The following WDR83 variants were observed in gnomAD, a reference collection of about 807,000 sequenced individuals.
WDR83 encodes WD repeat domain-containing protein 83.
WDR83 carries 37 observed loss-of-function variants against 37.7 expected under a neutral mutation model. That is an observed-to-expected ratio of 0.98 (90% CI 0.76 to 1.29). WDR83 has a LOEUF of 1.29. Ranked by LOEUF, WDR83 falls within the 50% of genes most tolerant of loss-of-function variation. The probability of loss-of-function intolerance (pLI) is 0.00; values close to 1 mark genes in which losing one functional copy is unlikely to be tolerated. For synonymous variants in WDR83, 174 were observed against 181.1 expected (o/e 0.96, Z 0.31); for missense variants, 445 against 414.4 (o/e 1.07, Z -0.64).
At chr19:12,668,673 G>T in intron 2 of WDR83, 46 bp downstream of exon 2, 1 of 1,443,900 alleles carries the variant, frequency 6.9e-7, no homozygotes, top group Non-Finnish European at 9.7e-7. Context: ...ATGAGTCCCC[G>T]AAGCCACCTT....
At chr19:12,667,466 A>C (rs987594306) in intron 1 of WDR83, among the ~76,000 whole-genome samples, 1 of 152,212 alleles carries the variant, frequency 6.6e-6, no homozygotes, top group Non-Finnish European at 1.5e-5. Context: ...TGAAAACACA[A>C]AATTTGTAAT....
At chr19:12,669,402 A>G (rs1354996742) in intron 2 of WDR83, 1 of 1,596,456 alleles carries the variant, frequency 6.3e-7, no homozygotes, top group Middle Eastern at 1.7e-4. Flanking sequence ...GTTAGTGGAC[A>G]TAGCGAGTCG....
intron 1 of WDR83, among the ~76,000 whole-genome samples, chr19:12,667,458 A>T (rs1200637683): frequency 1.3e-5 from 2 of 152,130 alleles, no homozygotes; most frequent in African/African-American, 2.4e-5. Context: ...GACGGGTTTG[A>T]AAACACAAAA....
rs1454178824 is a variant in WDR83 at position 12,670,277 on chromosome 19, C to G, written c.322C>G (p.His108Asp). ...SGQVVRKFRG[H>D]AGKVNTVQFN... ...GCAGGTCGTGCGCAAATTCCGGGGCCACGCAGGGGTGAGTGAAAGCCTGGA... is the reference window on the plus strand; with the variant it reads ...GCAGGTCGTGCGCAAATTCCGGGGCGACGCAGGGGTGAGTGAAAGCCTGGA... The change falls in exon 5 of 11, where the codon CAC (histidine) becomes GAC (aspartate). Residue 108 changes from histidine to aspartate, a missense_variant. Transcript: ENST00000418543. 7 of 1,613,736 alleles carry G rather than the reference C, an allele frequency of 4.3e-6. No individual in the cohort carries two copies. Among genetic ancestry groups the G allele is most frequent in the Non-Finnish European group, 5.9e-6 (7 of 1,179,894 alleles).
At position 12,669,766 on chromosome 19, in the gene WDR83, G is replaced by C. The variant is rs1463290070; in HGVS notation, c.-25G>C. On this transcript the variant is annotated 5_prime_UTR_variant, in exon 3 of 11. Coordinates refer to ENST00000418543, the MANE Select transcript of WDR83 (RefSeq NM_001099737.3). ...AATTTTCCGTACAGACCGATTTAAGGCTGCAAGGAAGGAGTCCTGGGAGCA... is the reference window on the plus strand; with the variant it reads ...AATTTTCCGTACAGACCGATTTAAGCCTGCAAGGAAGGAGTCCTGGGAGCA... The C allele has an allele frequency of 5.1e-6, 8 of 1,564,232 alleles. No individual in the cohort carries two copies. In the South Asian group the frequency reaches 7.1e-5, roughly 14 times the overall value.
intron 5 of WDR83, 62 bp downstream of exon 5, chr19:12,670,347 T>C (rs1207319725): frequency 9.6e-6 from 15 of 1,566,376 alleles, no homozygotes; most frequent in Non-Finnish European, 1.3e-5. Flanking sequence ...GCATAGGTGG[T>C]GACACGGCCA....
chr19:12,670,065 C>G lies in WDR83; in HGVS notation c.192C>G (p.Ser64Arg), dbSNP rs756432352. 1 of 1,612,400 alleles carries G rather than the reference C, an allele frequency of 6.2e-7. No homozygotes were observed. Among genetic ancestry groups the G allele is most frequent in the African/African-American group, 1.3e-5 (1 of 74,930 alleles). The change falls in exon 4 of 11, where the codon AGC (serine) becomes AGG (arginine). Residue 64 changes from serine (S) to arginine (R), a missense_variant. Ser to Arg is a moderately radical substitution (Grantham distance 110). Transcript: ENST00000418543. Reference sequence around the variant, plus strand: ...GGGGGACGCTGCTGCGGACGTACAGCGGCCACGGCTACGAGGTGCTGGATG... The same window carrying G: ...GGGGGACGCTGCTGCGGACGTACAGGGGCCACGGCTACGAGGTGCTGGATG... Reference protein sequence around the residue: ...PLRGTLLRTYSGHGYEVLDAA... With the variant: ...PLRGTLLRTYRGHGYEVLDAA...
rs138368753 is a variant in WDR83 at position 12,669,990 on chromosome 19, C to T, written c.117C>T (p.Tyr39=). The change falls in exon 4 of 11, where the codon TAC becomes TAT. Residue 39 remains tyrosine, a synonymous_variant. Transcript: ENST00000418543. ...GGTGTTCCCCAGTGGATGGCAATTA[C>T]TGCCTGACGTGCGGCAGTGACAAGA... ...RAVRFNVDGN[Y]CLTCGSDKTL... The T allele has an allele frequency of 4.3e-6, 7 of 1,611,082 alleles. No individual in the cohort carries two copies. The highest frequency in any genetic ancestry group is 5.1e-6 in the Non-Finnish European group (6 of 1,177,680).
chr19:12,668,153 C>A (rs1015109141), intron 1 of WDR83: 2 of 573,256 alleles, frequency 3.5e-6, no homozygotes, highest in Admixed American at 3.1e-5. Flanking sequence ...GCATCTCCCC[C>A]AGCAGCAGGC....
At chr19:12,672,957 G>A in intron 8 of WDR83, 43 bp downstream of exon 8, 1 of 1,594,964 alleles carries the variant, frequency 6.3e-7, no homozygotes, top group South Asian at 1.1e-5. Context: ...GAAGATGGGG[G>A]GCCAACCAGG....
chr19:12,668,061 G>A (rs1389285502), intron 1 of WDR83: 5 of 354,646 alleles, frequency 1.4e-5, no homozygotes, highest in Non-Finnish European at 2.2e-5. Flanking sequence ...CTGAACAGAA[G>A]AGGCTGACAG....
At chr19:12,669,041 T>C in intron 2 of WDR83, 4 of 1,400,214 alleles carry the variant, frequency 2.9e-6, no homozygotes, top group Admixed American at 1.7e-5. Context: ...CCATCAGCAA[T>C]GACAAGACAC....
At chr19:12,671,514 T>A (rs1346169202) in intron 7 of WDR83, among the ~76,000 whole-genome samples, 3 of 151,468 alleles carry the variant, frequency 2.0e-5, no homozygotes, top group Non-Finnish European at 2.9e-5. Flanking sequence ...TAGCCGGGCA[T>A]AGTGGCAGGC....
intron 4 of WDR83, 39 bp downstream of exon 4, chr19:12,670,136 T>C (rs1439965479): frequency 1.9e-6 from 3 of 1,607,020 alleles, no homozygotes; most frequent in Non-Finnish European, 2.6e-6. Flanking sequence ...GCGCTGAGGC[T>C]GGGATCCGAG....
chr19:12,670,157 A>C, intron 4 of WDR83, 23 bp from the exon 5 acceptor site: 2 of 1,610,158 alleles, frequency 1.2e-6, no homozygotes, highest in Non-Finnish European at 1.7e-6. Context: ...GTCGATGCTG[A>C]TCCTCCTCCT....
In WDR83 at chr19:12,673,332, C is replaced by T. The variant is rs751055996; in HGVS notation, c.798+16C>T. ...CCTGGTGGAGGTGAGGTGCCCCCAG[C>T]CCTACTTCATACCTAGATGCCTGCC... On this transcript the variant is annotated intron_variant, in intron 10 of 10. Coordinates refer to ENST00000418543, the MANE Select transcript of WDR83 (RefSeq NM_001099737.3). 1 of 1,604,600 alleles carries T rather than the reference C, an allele frequency of 6.2e-7. No individual in the cohort carries two copies. Among genetic ancestry groups the T allele is most frequent in the Non-Finnish European group, 8.5e-7 (1 of 1,171,654 alleles).
chr19:12,669,978 G>A lies in WDR83; in HGVS notation c.105G>A (p.Val35=). 3 of 1,609,800 alleles carry A rather than the reference G, an allele frequency of 1.9e-6. No homozygotes were observed. Among genetic ancestry groups the A allele is most frequent in the Non-Finnish European group, 2.5e-6 (3 of 1,176,556 alleles). Residue 35 remains valine (V), a splice_region_variant and synonymous_variant, in exon 4 of 11, where the codon GTG becomes GTA. Transcript: ENST00000418543. The part of the protein sequence containing the change: ...QGAVRAVRFN[V]DGNYCLTCGS... ...TAACCCCCGCCTGGTGTTCCCCAGT[G>A]GATGGCAATTACTGCCTGACGTGCG...
At chr19:12,668,372 G>A (rs375244334) in intron 1 of WDR83, 136 bp from the exon 2 acceptor site, 13 of 1,612,650 alleles carry the variant, frequency 8.1e-6, no homozygotes, top group Admixed American at 1.7e-5. Context: ...CCATGGGGGC[G>A]TCATGGGCTG....
In WDR83 at chr19:12,670,812, T is replaced by C. The variant is rs200247812; in HGVS notation, c.497T>C (p.Ile166Thr). 1.2e-6 allele frequency: 2 copies of C among 1,613,230 alleles called. No individual in the cohort carries two copies. Among genetic ancestry groups the C allele is most frequent in the Admixed American group, 1.7e-5 (1 of 59,860 alleles). Residue 166 changes from isoleucine (I) to threonine (T), a missense_variant, in exon 7 of 11, where the codon ATC becomes ACC. Coordinates refer to ENST00000418543, the MANE Select transcript of WDR83 (RefSeq NM_001099737.3). ...AGTGTGAAGGTGTCAGACCACGAGATCCTGGCAGGGTGAGTGGAGCCAGGA... is the reference window on the plus strand; with the variant it reads ...AGTGTGAAGGTGTCAGACCACGAGACCCTGGCAGGGTGAGTGGAGCCAGGA... ...VSSVKVSDHE[I>T]LAGSVDGRVR...
Sources: gnomAD v4.1 joint callset for allele counts (sites outside exome capture counted in the v4.1 genomes callset) on GRCh38, gnomAD v4.1.1 for gene constraint, MANE v1.5 for transcripts, NCBI Gene and HGNC (gene_info 2026-07-23, HGNC 2026-07-21) for gene names.